Variants in XPO4 observed in about 807,000 individuals in gnomAD.
The protein encoded by XPO4 is exportin-4.
A neutral mutation model predicts 143.0 loss-of-function variants in XPO4; 39 were observed. The ratio of observed to expected loss-of-function variants is 0.27; its 90% CI spans 0.21 to 0.36. The LOEUF is 0.36. XPO4 is among the 10% of genes least tolerant of loss of function. XPO4 has a pLI of 1.00. For synonymous variants in XPO4, 439 were observed against 474.0 expected, an observed-to-expected ratio of 0.93 and a Z score of 0.96; for missense variants, 907 against 1,348.0, an observed-to-expected ratio of 0.67 and a Z score of 5.12.
At chr13:20,834,458 G>C (rs1387875135) in intron 6 of XPO4, among the ~76,000 whole-genome samples, 1 of 151,686 alleles carries the variant, frequency 6.6e-6, no homozygotes, top group African/African-American at 2.4e-5. Flanking sequence ...TATAGTCCCA[G>C]TTACTCAAGA....
At chr13:20,882,987 T>G (rs1566625210) in intron 1 of XPO4, among the ~76,000 whole-genome samples, 3 of 151,778 alleles carry the variant, frequency 2.0e-5, no homozygotes, top group Admixed American at 6.6e-5. Context: ...ACCACATGAC[T>G]CAGGCTTCCT....
chr13:20,855,812 C>T (rs199954461), intron 3 of XPO4, 47 bp from the exon 4 acceptor site: 179 of 1,521,962 alleles, frequency 1.2e-4, no homozygotes, highest in Non-Finnish European at 1.5e-4. Context: ...AAATCTAATA[C>T]AAGAATACTC....
At chr13:20,831,326 G>A (rs1047825580) in intron 6 of XPO4, among the ~76,000 whole-genome samples, 1 of 151,960 alleles carries the variant, frequency 6.6e-6, no homozygotes, top group African/African-American at 2.4e-5. Flanking sequence ...TCAAAAGTTT[G>A]GTTTATAGTC....
chr13:20,895,116 G>A (rs1285368536), intron 1 of XPO4, among the ~76,000 whole-genome samples: 1 of 149,892 alleles, frequency 6.7e-6, no homozygotes, highest in Non-Finnish European at 1.5e-5. Flanking sequence ...AGGCAGGGGT[G>A]GCAGGGAGCC....
chr13:20,841,079 C>T (rs1333167568), intron 6 of XPO4, among the ~76,000 whole-genome samples: 1 of 152,294 alleles, frequency 6.6e-6, no homozygotes, highest in Admixed American at 6.5e-5. Flanking sequence ...TCACTCTCTA[C>T]CAACTGTATT....
At chr13:20,800,808 A>G in intron 14 of XPO4, 23 bp downstream of exon 14, 1 of 1,602,250 alleles carries the variant, frequency 6.2e-7, no homozygotes, top group East Asian at 2.2e-5. Context: ...ATCCAAATGA[A>G]GTTTTAAGTT....
chr13:20,848,073 T>C (rs1285604438), intron 4 of XPO4: 4 of 303,050 alleles, frequency 1.3e-5, no homozygotes, highest in South Asian at 1.3e-4. Flanking sequence ...CCAATGCTTG[T>C]TGATTTATGT....
intron 1 of XPO4, among the ~76,000 whole-genome samples, chr13:20,870,051 T>C (rs1224529250): frequency 7.8e-6 from 1 of 128,426 alleles, no homozygotes; most frequent in Non-Finnish European, 1.6e-5. Flanking sequence ...AGTGAGCTGA[T>C]ATGGCGCCAC....
chr13:20,795,944 C>G, intron 18 of XPO4, 132 bp downstream of exon 18: 5 of 1,017,058 alleles, frequency 4.9e-6, no homozygotes, highest in Non-Finnish European at 7.0e-6. Flanking sequence ...CTCACTTTGA[C>G]CACAAAGATC....
rs570827166 is a variant in XPO4 at position 20,834,579 on chromosome 13, A to G, written c.728-7400T>C. ...CAGGGCGAGACCCAGTCTCAAAAAA[A>G]AAATGTACTTAGAATAAATTTAATA... On this transcript the variant is annotated intron_variant, in intron 6 of 22. Transcript: ENST00000255305. Among the ~76,000 whole-genome samples the G allele has an allele frequency of 5.3e-5, 8 of 152,212 alleles. No individual in the cohort carries two copies. In the East Asian group the frequency reaches 1.4e-3, roughly 26 times the overall value.
intron 13 of XPO4, among the ~76,000 whole-genome samples, chr13:20,804,739 G>A (rs1248939804): frequency 2.0e-5 from 3 of 152,036 alleles, no homozygotes; most frequent in Non-Finnish European, 4.4e-5. Flanking sequence ...ATTTCAAACA[G>A]CACTCAGTTT....
intron 4 of XPO4, chr13:20,852,955 A>T: frequency 1.0e-6 from 1 of 985,416 alleles, no homozygotes. Flanking sequence ...TTTGCGGTCA[A>T]TTGATTTATC....
Position 20,815,553 on chromosome 13 carries a change from GTAGT to G in XPO4, c.1174-5590_1174-5587del, listed in dbSNP as rs199992508. Among the ~76,000 whole-genome samples the G allele has an allele frequency of 4.1e-3, 627 of 152,210 alleles. 16 individuals are homozygous for G. The highest frequency in any genetic ancestry group is 0.037 in the Admixed American group (568 of 15,300). Reference sequence around the variant, plus strand: ...AATATGAGCTAAATCTCATGCTAAGGTAGTTAGTTTGTTTTCCTGTGAACAGCAA... The same window carrying G: ...AATATGAGCTAAATCTCATGCTAAGGTAGTTTGTTTTCCTGTGAACAGCAA... On this transcript the variant is annotated intron_variant, in intron 9 of 22. Coordinates refer to ENST00000255305, the MANE Select transcript of XPO4 (RefSeq NM_022459.5).
intron 1 of XPO4, among the ~76,000 whole-genome samples, chr13:20,893,388 T>C (rs1210095973): frequency 6.6e-6 from 1 of 151,978 alleles, no homozygotes; most frequent in Non-Finnish European, 1.5e-5. Context: ...ACCCACTCAC[T>C]ATACTGACCC....
At chr13:20,879,911 G>A (rs79683162) in intron 1 of XPO4, among the ~76,000 whole-genome samples, 1,615 of 152,176 alleles carry the variant, frequency 0.011, 33 homozygotes, top group African/African-American at 0.037. Flanking sequence ...CAAAAAGGAC[G>A]TTAACAGACA....
At chr13:20,841,930 C>T (rs1331622554) in intron 6 of XPO4, among the ~76,000 whole-genome samples, 1 of 151,624 alleles carries the variant, frequency 6.6e-6, no homozygotes, top group Non-Finnish European at 1.5e-5. Context: ...TAGAACAGGT[C>T]GCATTAAATT....
At chr13:20,823,201 T>G (rs1566585755) in intron 7 of XPO4, among the ~76,000 whole-genome samples, 1 of 152,212 alleles carries the variant, frequency 6.6e-6, no homozygotes, top group African/African-American at 2.4e-5. Context: ...CCACACAAAG[T>G]TCTCTCTCTA....
At chr13:20,842,245 A>G in intron 6 of XPO4, among the ~76,000 whole-genome samples, 1 of 152,204 alleles carries the variant, frequency 6.6e-6, no homozygotes, top group East Asian at 1.9e-4. Context: ...ATCAACGGGC[A>G]GCAGATGTCC....
chr13:20,864,110 T>C (rs2060224761), intron 2 of XPO4, among the ~76,000 whole-genome samples: 1 of 151,924 alleles, frequency 6.6e-6, no homozygotes, highest in Non-Finnish European at 1.5e-5. Flanking sequence ...CTAATTGAGA[T>C]GATAATCAGA....
Sources: gnomAD v4.1 joint callset for allele counts (sites outside exome capture counted in the v4.1 genomes callset) on GRCh38, gnomAD v4.1.1 for gene constraint, MANE v1.5 for transcripts, NCBI Gene and HGNC (gene_info 2026-07-23, HGNC 2026-07-21) for gene names.